The following KCNMA1 variants were observed in gnomAD, a reference collection of about 807,000 sequenced individuals.
KCNMA1 encodes the protein potassium calcium-activated channel subfamily M alpha 1, also known as Calcium-activated potassium channel subunit alpha-1.
In KCNMA1, 29 loss-of-function variants were observed where a neutral mutation model predicts 140.0. The ratio of observed to expected loss-of-function variants is 0.21; its 90% CI spans 0.15 to 0.28. KCNMA1 has a LOEUF of 0.28. Ranked by LOEUF, KCNMA1 falls within the 10% of genes least tolerant of loss-of-function variation. KCNMA1 has a pLI of 1.00. For synonymous variants in KCNMA1, 612 were observed against 611.9 expected, an observed-to-expected ratio of 1.00 and a Z score of 0.00; for missense variants, 880 against 1,602.2, an observed-to-expected ratio of 0.55 and a Z score of 7.70.
intron 2 of KCNMA1, among the ~76,000 whole-genome samples, chr10:77,392,348 C>T (rs2095866718): frequency 6.6e-6 from 1 of 152,038 alleles, no homozygotes; most frequent in Admixed American, 6.5e-5. Flanking sequence ...CAACTACTCA[C>T]ATATTTGCCC....
At chr10:76,924,991 C>T (rs1185968351) in intron 23 of KCNMA1, among the ~76,000 whole-genome samples, 1 of 152,162 alleles carries the variant, frequency 6.6e-6, no homozygotes, top group Non-Finnish European at 1.5e-5. Flanking sequence ...GCTGTTCCCC[C>T]TCTTCCCTCC....
At chr10:77,138,651 A>G (rs2098103938) in intron 5 of KCNMA1, among the ~76,000 whole-genome samples, 1 of 152,174 alleles carries the variant, frequency 6.6e-6, no homozygotes, top group Non-Finnish European at 1.5e-5. Context: ...GCCAAAAGCC[A>G]TTACATGGCA....
chr10:77,291,271 T>A (rs914536826), intron 2 of KCNMA1, among the ~76,000 whole-genome samples: 1 of 152,198 alleles, frequency 6.6e-6, no homozygotes, highest in African/African-American at 2.4e-5. Flanking sequence ...CTGAGATTTC[T>A]TGTATGAAAT....
At chr10:76,962,083 CA>C (rs2071738837) in intron 20 of KCNMA1, among the ~76,000 whole-genome samples, 3 of 152,324 alleles carry the variant, frequency 2.0e-5, no homozygotes, top group Admixed American at 2.0e-4. Flanking sequence ...GCCTTGAAGA[CA>C]ACAGCCTAAA....
At chr10:76,923,863 G>A (rs2056820712) in intron 23 of KCNMA1, among the ~76,000 whole-genome samples, 1 of 152,004 alleles carries the variant, frequency 6.6e-6, no homozygotes, top group Admixed American at 6.6e-5. Context: ...AAATTAGCTG[G>A]GCATGGTAGG....
chr10:77,358,251 C>G (rs779885595), intron 2 of KCNMA1, among the ~76,000 whole-genome samples: 3 of 152,152 alleles, frequency 2.0e-5, no homozygotes, highest in Admixed American at 6.5e-5. Flanking sequence ...TGGGGCTACA[C>G]TAAGAGGAAG....
chr10:77,065,639 C>A (rs577288549), intron 14 of KCNMA1, among the ~76,000 whole-genome samples: 3 of 152,116 alleles, frequency 2.0e-5, no homozygotes, highest in Admixed American at 2.0e-4. Flanking sequence ...TGTAGTATCA[C>A]CTGACTTATT....
chr10:77,030,577 G>T (rs1288606505), intron 15 of KCNMA1, among the ~76,000 whole-genome samples: 1 of 152,168 alleles, frequency 6.6e-6, no homozygotes, highest in Non-Finnish European at 1.5e-5. Context: ...TGGGATCAAA[G>T]ATCTTCATTG....
rs1010065768 is a variant in KCNMA1, at chr10:76,886,190, C to G, written c.*1076G>C. The G allele has an allele frequency of 1.0e-6, 1 of 985,300 alleles. No individual in the cohort carries two copies. Among genetic ancestry groups the G allele is most frequent in the African/African-American group, 1.7e-5 (1 of 57,218 alleles). The allele number at this position is 985,300 out of a possible 1,614,324, so 61.0% of individuals were successfully genotyped here. On this transcript the variant is annotated 3_prime_UTR_variant, in exon 28 of 28. Coordinates refer to ENST00000286628, the MANE Select transcript of KCNMA1 (RefSeq NM_001161352.2). ...TGGGTTTGTCTTCCTCTCACTCTAC[C>G]ATTGCCCCAGCCCTTCCTCCTACCT...
At chr10:77,331,288 C>T (rs1192106205) in intron 2 of KCNMA1, among the ~76,000 whole-genome samples, 1 of 152,138 alleles carries the variant, frequency 6.6e-6, no homozygotes, top group Admixed American at 6.5e-5. Context: ...CAATAACTTG[C>T]TTATCCTTAT....
chr10:76,963,739 A>G (rs2072688471), intron 20 of KCNMA1, among the ~76,000 whole-genome samples: 1 of 152,122 alleles, frequency 6.6e-6, no homozygotes, highest in Non-Finnish European at 1.5e-5. Flanking sequence ...CTAATCAGCA[A>G]ATAAATTTAA....
chr10:77,493,367 C>A (rs540755917), intron 1 of KCNMA1, among the ~76,000 whole-genome samples: 1 of 152,320 alleles, frequency 6.6e-6, no homozygotes, highest in African/African-American at 2.4e-5. Flanking sequence ...AGCAAGCTGC[C>A]CCCAGGGACC....
chr10:76,903,488 C>T (rs2046449402), intron 25 of KCNMA1: 1 of 152,052 alleles, frequency 6.6e-6, no homozygotes, highest in Non-Finnish European at 1.5e-5. Context: ...CTACCCCAGG[C>T]CTGCCTGGCC....
intron 2 of KCNMA1, among the ~76,000 whole-genome samples, chr10:77,311,853 G>A (rs1232109442): frequency 6.6e-6 from 1 of 152,178 alleles, no homozygotes; most frequent in Non-Finnish European, 1.5e-5. Flanking sequence ...ACAATGGTCT[G>A]CTGTCATTTC....
At chr10:77,268,379 T>C (rs2063997344) in intron 2 of KCNMA1, among the ~76,000 whole-genome samples, 1 of 152,134 alleles carries the variant, frequency 6.6e-6, no homozygotes, top group African/African-American at 2.4e-5. Flanking sequence ...TATAGGAGAT[T>C]CTCCGAGAGA....
At chr10:77,616,106 A>C (rs1419949706) in intron 1 of KCNMA1, among the ~76,000 whole-genome samples, 3 of 152,208 alleles carry the variant, frequency 2.0e-5, no homozygotes, top group Admixed American at 6.5e-5. Flanking sequence ...CCAATTCCAA[A>C]CTAGGCTAAG....
chr10:76,977,673 G>A (rs952027325), intron 19 of KCNMA1: 3 of 702,602 alleles, frequency 4.3e-6, no homozygotes, highest in Non-Finnish European at 7.8e-6. Flanking sequence ...AGAAATACCC[G>A]TGGAGCCCAC....
intron 23 of KCNMA1, among the ~76,000 whole-genome samples, chr10:76,916,274 C>G (rs574374111): frequency 2.4e-4 from 36 of 152,238 alleles, no homozygotes; most frequent in African/African-American, 7.9e-4. Context: ...CCTGCTTGGT[C>G]TCTGATTTTG....
intron 5 of KCNMA1, among the ~76,000 whole-genome samples, chr10:77,124,750 T>C (rs1029242753): frequency 1.3e-5 from 2 of 152,186 alleles, no homozygotes; most frequent in Non-Finnish European, 2.9e-5. Flanking sequence ...CATTTCATCC[T>C]CAGATCAAGC....
Sources: gnomAD v4.1 joint callset for allele counts (sites outside exome capture counted in the v4.1 genomes callset) on GRCh38, gnomAD v4.1.1 for gene constraint, MANE v1.5 for transcripts, NCBI Gene and HGNC (gene_info 2026-07-23, HGNC 2026-07-21) for gene names.